The following TAF4 variants were observed in gnomAD, a reference collection of about 807,000 sequenced individuals.
The protein encoded by TAF4 is TATA-box binding protein associated factor 4, also known as transcription initiation factor TFIID subunit 4.
In TAF4, 9 loss-of-function variants were observed where a neutral mutation model predicts 90.3. The observed-to-expected ratio is 0.10, with a 90% CI of 0.06 to 0.17. TAF4 has a LOEUF of 0.17. TAF4 is among the 10% of genes least tolerant of loss of function. The pLI, the probability that TAF4 is intolerant of heterozygous loss-of-function variation, is 1.00. For synonymous variants in TAF4, 818 were observed against 638.9 expected, an observed-to-expected ratio of 1.28 and a Z score of -4.23; for missense variants, 1,351 against 1,370.7, an observed-to-expected ratio of 0.99 and a Z score of 0.23.
At chr20:62,047,015 T>C (rs187000626) in intron 1 of TAF4, among the ~76,000 whole-genome samples, 1 of 152,360 alleles carries the variant, frequency 6.6e-6, no homozygotes, top group East Asian at 1.9e-4. Context: ...GCCTTTTCAT[T>C]GTCTTAACAA....
At position 62,064,702 on chromosome 20, in the gene TAF4, G is replaced by C; in HGVS notation, c.1109C>G (p.Ala370Gly). 3.2e-6 allele frequency: 4 copies of C among 1,242,342 alleles called. No individual in the cohort carries two copies. The highest frequency in any genetic ancestry group is 4.0e-6 in the Non-Finnish European group (4 of 996,436). 77.0% of individuals were successfully genotyped at this position (1,242,342 alleles called of 1,614,324 possible). Reference protein sequence around the residue: ...TLAASGPASTAASMVIGPTMQ... With the variant: ...TLAASGPASTGASMVIGPTMQ... ...AGTTGGCCCGATGACCATGCTGGCC[G>C]CCGTGCTGGCCGGGCCGCTGGCCGC... is the stretch of plus-strand genomic sequence containing the variant. The change falls in exon 1 of 15, where the codon GCG becomes GGG. Residue 370 changes from alanine to glycine, a missense_variant. Transcript: ENST00000252996.
intron 1 of TAF4, among the ~76,000 whole-genome samples, chr20:62,031,806 C>T (rs911775496): frequency 2.0e-5 from 3 of 152,188 alleles, no homozygotes; most frequent in East Asian, 1.9e-4. Flanking sequence ...CCCAGGGAGA[C>T]GCCGGGGTGC....
chr20:62,022,604 G>A (rs894374685), intron 1 of TAF4, among the ~76,000 whole-genome samples: 5 of 152,160 alleles, frequency 3.3e-5, no homozygotes, highest in African/African-American at 4.8e-5. Flanking sequence ...AGAATCCAGC[G>A]TGCGCTCCTT....
intron 1 of TAF4, among the ~76,000 whole-genome samples, chr20:62,020,282 G>T (rs868165151): frequency 1.3e-5 from 2 of 152,178 alleles, no homozygotes; most frequent in African/African-American, 2.4e-5. Context: ...CTGCCGGTGG[G>T]GGGGCTCTTT....
At chr20:61,988,684 C>G (rs1255780717) in intron 14 of TAF4, among the ~76,000 whole-genome samples, 1 of 152,076 alleles carries the variant, frequency 6.6e-6, no homozygotes, top group Non-Finnish European at 1.5e-5. Flanking sequence ...CACAAAGATC[C>G]CCAAAGTTCA....
chr20:62,056,227 ACT>A (rs2056062971), intron 1 of TAF4, among the ~76,000 whole-genome samples: 1 of 151,940 alleles, frequency 6.6e-6, no homozygotes, highest in African/African-American at 2.4e-5. Flanking sequence ...ATGGAGTGAG[ACT>A]CTGTCTCGAA....
rs542758527 is a variant in TAF4, at chr20:61,996,659, C to T, written c.3090+891G>A. Among the ~76,000 whole-genome samples, 66 of 152,010 alleles carry T rather than the reference C, an allele frequency of 4.3e-4. 1 individual carries two copies. The highest frequency in any genetic ancestry group is 4.4e-4 in the Non-Finnish European group (30 of 67,988). ...CCTAAAAATACAGAAATTAGCAGGG[C>T]GTGGTGGCACACGTCTATAGTCCCA... On this transcript the variant is annotated intron_variant, in intron 14 of 14. Transcript: ENST00000252996.
chr20:62,030,435 T>C (rs2055898521), intron 1 of TAF4, among the ~76,000 whole-genome samples: 1 of 152,214 alleles, frequency 6.6e-6, no homozygotes, highest in Non-Finnish European at 1.5e-5. Flanking sequence ...CTCTGAAACA[T>C]TAAAATGATT....
At chr20:62,020,924 C>T (rs1210137952) in intron 1 of TAF4, among the ~76,000 whole-genome samples, 1 of 152,156 alleles carries the variant, frequency 6.6e-6, no homozygotes, top group African/African-American at 2.4e-5. Flanking sequence ...ACAGCAGTTG[C>T]TGGAGCCAGC....
intron 1 of TAF4, among the ~76,000 whole-genome samples, chr20:62,028,784 A>G (rs2055887841): frequency 6.6e-6 from 1 of 152,222 alleles, no homozygotes; most frequent in South Asian, 2.1e-4. Flanking sequence ...GCTCACATTC[A>G]GGAGTGCCAT....
At chr20:62,053,799 CACAG>C (rs1401674361) in intron 1 of TAF4, among the ~76,000 whole-genome samples, 7 of 152,278 alleles carry the variant, frequency 4.6e-5, no homozygotes, top group African/African-American at 1.7e-4. Flanking sequence ...TGCAGACAGA[CACAG>C]ACAATGACCA....
intron 1 of TAF4, among the ~76,000 whole-genome samples, chr20:62,028,275 C>T (rs915294886): frequency 6.6e-6 from 1 of 152,208 alleles, no homozygotes; most frequent in Non-Finnish European, 1.5e-5. Context: ...CAAAAAAATG[C>T]TACCTCCTTG....
At chr20:62,063,557 CG>C (rs1225825510) in intron 1 of TAF4, among the ~76,000 whole-genome samples, 2 of 152,280 alleles carry the variant, frequency 1.3e-5, no homozygotes, top group Non-Finnish European at 2.9e-5. Context: ...TAGACAGGAG[CG>C]TGAGAACTGC....
At chr20:61,997,926 G>A (rs999050718) in intron 13 of TAF4, among the ~76,000 whole-genome samples, 1 of 152,160 alleles carries the variant, frequency 6.6e-6, no homozygotes, top group African/African-American at 2.4e-5. Flanking sequence ...CCCGCAAAGG[G>A]AAGTCACCGT....
Position 62,010,698 on chromosome 20 carries a change from T to C in TAF4, c.1642-533A>G, listed in dbSNP as rs1461768545. On this transcript the variant is annotated intron_variant, in intron 3 of 14. Coordinates refer to ENST00000252996, the MANE Select transcript of TAF4 (RefSeq NM_003185.4). This position sits in a 1 kb window ranked among gnomAD's most constrained non-coding sequence, Gnocchi z 4.5. ...TTTCTTTACTCCCCAAAAGTGAGTG[T>C]CAACAAGAAGCCTCCCACAGAGGGG... Among the ~76,000 whole-genome samples, 1 of 152,048 alleles carries C rather than the reference T, an allele frequency of 6.6e-6. No individual in the cohort carries two copies. Among genetic ancestry groups the C allele is most frequent in the Non-Finnish European group, 1.5e-5 (1 of 68,008 alleles).
chr20:62,043,646 T>A (rs2055976326), intron 1 of TAF4, among the ~76,000 whole-genome samples: 1 of 152,152 alleles, frequency 6.6e-6, no homozygotes. Flanking sequence ...CCCCTAGTTT[T>A]ACTGTACCTT....
chr20:62,064,341 G>T (rs1050663877), intron 1 of TAF4, 110 bp downstream of exon 1: 1 of 1,198,560 alleles, frequency 8.3e-7, no homozygotes, highest in South Asian at 3.2e-5. Context: ...CTCCAGCCAC[G>T]GGCCTACGGG....
At chr20:62,049,682 T>A (rs1323863197) in intron 1 of TAF4, among the ~76,000 whole-genome samples, 1 of 59,004 alleles carries the variant, frequency 1.7e-5, no homozygotes, top group Non-Finnish European at 3.9e-5. Context: ...CCAGCCCAAC[T>A]CCCAACTCCC....
chr20:62,019,315 A>C (rs2055829577), intron 1 of TAF4, among the ~76,000 whole-genome samples: 1 of 152,170 alleles, frequency 6.6e-6, no homozygotes, highest in African/African-American at 2.4e-5. Flanking sequence ...GTTCCCTGCC[A>C]GCTCCCCCGT....
Sources: allele counts gnomAD v4.1 joint callset (sites outside exome capture counted in the v4.1 genomes callset), GRCh38; gene constraint gnomAD v4.1.1; non-coding constraint Gnocchi (gnomAD v3.1); transcripts MANE v1.5; gene names NCBI Gene and HGNC (gene_info 2026-07-23, HGNC 2026-07-21).